The following SRPK1 variants were observed in gnomAD, a reference collection of about 807,000 sequenced individuals.
SRPK1 encodes SFRS protein kinase 1.
SRPK1 carries 52 observed loss-of-function variants against 89.5 expected under a neutral mutation model. That is an observed-to-expected ratio of 0.58 (90% CI 0.46 to 0.73). The LOEUF is 0.73. Among genes scored for constraint, SRPK1 ranks in the 30% least tolerant of loss-of-function variants. The pLI is 0.00. For missense variants in SRPK1, 603 were observed against 780.6 expected (o/e 0.77, Z 2.71); for synonymous variants, 255 against 270.2 (o/e 0.94, Z 0.55).
chr6:35,842,735 A>C (rs1427126239), intron 13 of SRPK1, 131 bp from the exon 14 acceptor site: 39 of 519,724 alleles, frequency 7.5e-5, no homozygotes, highest in South Asian at 2.8e-4. Context: ...TTAAAAAAAA[A>C]AAAAAACAAA....
chr6:35,869,840 T>G lies in SRPK1; in HGVS notation c.1053A>C (p.Ala351=), dbSNP rs1412358798. The change falls in exon 11 of 16, where the codon GCA becomes GCC. Residue 351 remains alanine, a synonymous_variant. Coordinates refer to ENST00000373825, the MANE Select transcript of SRPK1 (RefSeq NM_003137.5). The stretch of plus-strand genomic sequence containing the variant: ...TCACTCCATTGCAATTAATTTCTGC[T>G]GCACCACCCTCTGTATCACGTTCCA... ...TLMERDTEGG[A]AEINCNGVIE... 5.6e-6 allele frequency: 9 copies of G among 1,609,590 alleles called. No homozygotes were observed. The South Asian group carries it at 8.8e-5, about 16-fold the overall frequency.
rs762621759 is a variant in SRPK1 at position 35,890,875 on chromosome 6, A to G, written c.193+20T>C. The G allele has an allele frequency of 2.5e-5, 38 of 1,541,076 alleles. No individual in the cohort carries two copies. The East Asian group carries it at 5.4e-4, about 22-fold the overall frequency. ...AAATAGATGGCTCATGTCTCACTTC[A>G]TACCTCTTTATGAACTTACCTTTAC... On this transcript the variant is annotated intron_variant, in intron 3 of 15. Coordinates refer to ENST00000373825, the MANE Select transcript of SRPK1 (RefSeq NM_003137.5).
intron 8 of SRPK1, among the ~76,000 whole-genome samples, chr6:35,872,108 T>C (rs1770047414): frequency 1.3e-5 from 2 of 152,188 alleles, no homozygotes; most frequent in Non-Finnish European, 2.9e-5. Context: ...ATCCCAATAA[T>C]TCGCAGTTGA....
chr6:35,914,802 T>TC (rs967787308), intron 2 of SRPK1, among the ~76,000 whole-genome samples: 2 of 151,734 alleles, frequency 1.3e-5, no homozygotes, highest in Non-Finnish European at 2.9e-5. Flanking sequence ...ACTAGTTAAA[T>TC]CCTTTTTTTT....
intron 2 of SRPK1, among the ~76,000 whole-genome samples, chr6:35,895,472 T>A (rs1770610905): frequency 6.6e-6 from 1 of 150,790 alleles, no homozygotes; most frequent in Non-Finnish European, 1.5e-5. Context: ...TGTGTGTTCA[T>A]CCACAGTTCC....
chr6:35,892,681 A>G (rs562397560), intron 2 of SRPK1, among the ~76,000 whole-genome samples: 5,836 of 141,062 alleles, frequency 0.041, 131 homozygotes, highest in South Asian at 0.087. Flanking sequence ...CAACAACAAC[A>G]ACAACAACGA....
At chr6:35,899,359 T>C (rs1770694700) in intron 2 of SRPK1, among the ~76,000 whole-genome samples, 1 of 152,156 alleles carries the variant, frequency 6.6e-6, no homozygotes, top group Admixed American at 6.5e-5. Flanking sequence ...TTGACTTTCC[T>C]ATATGAAACA....
intron 2 of SRPK1, among the ~76,000 whole-genome samples, chr6:35,911,243 T>G (rs981358203): frequency 6.6e-6 from 1 of 152,180 alleles, no homozygotes; most frequent in South Asian, 2.1e-4. Flanking sequence ...TTGGAAGAAG[T>G]TGATTCCAAC....
intron 10 of SRPK1, 52 bp downstream of exon 10, chr6:35,870,229 A>G: frequency 6.6e-7 from 1 of 1,504,118 alleles, no homozygotes; most frequent in Non-Finnish European, 9.1e-7. Context: ...AGCAATGATA[A>G]ATTAACGTTA....
intron 11 of SRPK1, 32 bp from the exon 12 acceptor site, chr6:35,869,142 T>C (rs199874992): frequency 3.4e-5 from 52 of 1,544,238 alleles, no homozygotes; most frequent in Non-Finnish European, 5.3e-6. Flanking sequence ...AATAAGACTG[T>C]TCAATGAACA....
chr6:35,857,115 C>G (rs1302547763), intron 13 of SRPK1, 146 bp downstream of exon 13: 1 of 646,324 alleles, frequency 1.5e-6, no homozygotes, highest in Admixed American at 2.8e-5. Flanking sequence ...ATTCGGACCT[C>G]TCTAGACATA....
chr6:35,904,052 C>A (rs906884330), intron 2 of SRPK1, among the ~76,000 whole-genome samples: 1 of 152,032 alleles, frequency 6.6e-6, no homozygotes, highest in Non-Finnish European at 1.5e-5. Context: ...GATCCTCCCA[C>A]CTTGGCCTCC....
In SRPK1 at chr6:35,893,350, T is replaced by C. The variant is rs185859614; in HGVS notation, c.75-2337A>G. Among the ~76,000 whole-genome samples, 288 of 152,130 alleles carry C rather than the reference T, an allele frequency of 1.9e-3. 2 individuals are homozygous for C. The highest frequency in any genetic ancestry group is 0.015 in the South Asian group (73 of 4,808). ...AAACGCAAAAATTAACTGGGCTTGGTGGTGCGTGCCTGTAGTCCCAGCTAC... is the reference window on the plus strand; with the variant it reads ...AAACGCAAAAATTAACTGGGCTTGGCGGTGCGTGCCTGTAGTCCCAGCTAC... On this transcript the variant is annotated intron_variant, in intron 2 of 15. Transcript: ENST00000373825.
intron 12 of SRPK1, among the ~76,000 whole-genome samples, chr6:35,862,455 C>T (rs929876584): frequency 4.6e-5 from 7 of 151,988 alleles, no homozygotes; most frequent in African/African-American, 1.7e-4. Context: ...ACCAGAGGTA[C>T]CCAAAATCAA....
intron 13 of SRPK1, among the ~76,000 whole-genome samples, chr6:35,856,341 T>C (rs917877360): frequency 1.3e-5 from 2 of 152,244 alleles, no homozygotes; most frequent in East Asian, 1.9e-4. Flanking sequence ...ATTTGTATTC[T>C]TTATAATAAA....
At chr6:35,868,025 T>A (rs1407764002) in intron 12 of SRPK1, among the ~76,000 whole-genome samples, 1 of 151,946 alleles carries the variant, frequency 6.6e-6, no homozygotes, top group East Asian at 1.9e-4. Context: ...CAGGCTGGAG[T>A]GCAATGGCGT....
chr6:35,895,566 A>AC (rs1167454701), intron 2 of SRPK1: 1 of 152,138 alleles, frequency 6.6e-6, no homozygotes, highest in African/African-American at 2.4e-5. Context: ...CTCAGAAAAC[A>AC]GACCTCCTGC....
intron 2 of SRPK1, among the ~76,000 whole-genome samples, chr6:35,891,305 C>T (rs16882039): frequency 0.021 from 3,164 of 152,314 alleles, 121 homozygotes; most frequent in African/African-American, 0.072. Flanking sequence ...GACTCTTCTT[C>T]CATTATGTTG....
intron 15 of SRPK1, 76 bp downstream of exon 15, chr6:35,838,261 C>T: frequency 2.1e-6 from 2 of 972,010 alleles, no homozygotes; most frequent in South Asian, 3.9e-5. Context: ...TTCTGTAGGA[C>T]ATTGGGAATA....
Sources: allele counts gnomAD v4.1 joint callset (sites outside exome capture counted in the v4.1 genomes callset), GRCh38; gene constraint gnomAD v4.1.1; transcripts MANE v1.5; gene names NCBI Gene and HGNC (gene_info 2026-07-23, HGNC 2026-07-21).